Variants in FOXL3 observed in about 807,000 individuals in gnomAD.
FOXL3 encodes forkhead box L3.
In FOXL3, 16 loss-of-function variants were observed where a neutral mutation model predicts 10.9. The ratio of observed to expected loss-of-function variants is 1.46; its 90% CI spans 0.99 to 2.22. The LOEUF (loss-of-function observed/expected upper bound fraction) is 2.22. Ranked by LOEUF, FOXL3 falls within the 30% of genes most tolerant of loss-of-function variation. The pLI, the probability that FOXL3 is intolerant of heterozygous loss-of-function variation, is 0.00. For missense variants in FOXL3, 400 were observed against 337.9 expected, an observed-to-expected ratio of 1.18 and a Z score of -1.44; for synonymous variants, 170 against 152.0, an observed-to-expected ratio of 1.12 and a Z score of -0.87.
chr7:291,050 TC>T lies in FOXL3; in HGVS notation c.277-11del, dbSNP rs1778634410. On this transcript the variant is annotated splice_polypyrimidine_tract_variant and intron_variant, in intron 2 of 2. Transcript: ENST00000506382. ...AGCGGAGCCGCTCCCAGCCCCTCCC[TC>T]CGCGCGCGCAGGTGCCGCGGTCCGA... 1 of 1,375,778 alleles carries T rather than the reference TC, an allele frequency of 7.3e-7. No homozygotes were observed. The highest frequency in any genetic ancestry group is 9.4e-7 in the Non-Finnish European group (1 of 1,067,634). The allele number at this position is 1,375,778 out of a possible 1,614,324, so 85.2% of individuals were successfully genotyped here. A position where few individuals can be genotyped will look rare whatever the true frequency, so the allele number is the denominator to read the frequency against.
chr7:290,223 C>T lies in FOXL3; in HGVS notation c.54C>T (p.Asp18=). ...ACTGCTTCAATTACGACGCCGACGA[C>T]TACCCCGCCGGCAGCTCCGACGAAG... ...PYNCFNYDAD[D]YPAGSSDEDK... is the part of the protein sequence containing the mutation. Residue 18 remains aspartate (D), a synonymous_variant, in exon 1 of 3, where the codon GAC becomes GAT. Coordinates refer to ENST00000506382, the MANE Select transcript of FOXL3 (RefSeq NM_001374838.1). 1 of 1,536,002 alleles carries T rather than the reference C, an allele frequency of 6.5e-7. No homozygotes were observed. The highest frequency in any genetic ancestry group is 8.7e-7 in the Non-Finnish European group (1 of 1,146,802).
rs1216616396 is a variant in FOXL3 at position 291,349 on chromosome 7, A to AC, written c.568dup (p.Arg190ProfsTer?). 5 of 1,282,770 alleles carry AC rather than the reference A, an allele frequency of 3.9e-6. No individual in the cohort carries two copies. The South Asian group carries it at 7.8e-5, about 20-fold the overall frequency. The allele number at this position is 1,282,770 out of a possible 1,614,324, so 79.5% of individuals were successfully genotyped here. A position where few individuals can be genotyped will look rare whatever the true frequency, so the allele number is the denominator to read the frequency against. The stretch of plus-strand genomic sequence containing the variant: ...AGCCCCGCTCCCCCGGGGAAGGAGC[A>AC]CCCCCGGGACCTCAAGTTCAGCATC... On this transcript the variant is annotated frameshift_variant, in exon 3 of 3. Transcript: ENST00000506382. LOFTEE classifies it low-confidence loss of function (END_TRUNC).
At chr7:291,008 G>A (rs1458272770) in intron 2 of FOXL3, 55 bp from the exon 3 acceptor site, 3 of 1,325,510 alleles carry the variant, frequency 2.3e-6, no homozygotes, top group South Asian at 1.9e-5. Context: ...GGGACAAGGC[G>A]GGCGGGCGCA....
Position 290,788 on chromosome 7 carries a change from C to A in FOXL3, c.243C>A (p.Arg81=). The change falls in exon 2 of 3, where the codon CGC becomes CGA. Residue 81 remains arginine (R), a synonymous_variant. Transcript: ENST00000506382. ...ANQRAWQNSI[R]HNLSLNSCFV... is the part of the protein sequence containing the mutation. The stretch of plus-strand genomic sequence containing the variant: ...AGCGCGCCTGGCAGAACTCCATCCG[C>A]CACAACCTGTCCCTCAACAGCTGCT... The A allele has an allele frequency of 6.6e-7, 1 of 1,520,052 alleles. No homozygotes were observed. 94.2% of individuals were successfully genotyped at this position (1,520,052 alleles called of 1,614,324 possible).
chr7:290,980 G>A (rs901859544), intron 2 of FOXL3, 83 bp from the exon 3 acceptor site: 25 of 1,287,146 alleles, frequency 1.9e-5, no homozygotes, highest in Middle Eastern at 4.1e-4. Flanking sequence ...CCCTCGCCCC[G>A]GTCCAGGGCG....
At position 291,222 on chromosome 7, in the gene FOXL3, G is replaced by A; in HGVS notation, c.436G>A (p.Gly146Ser). The A allele has an allele frequency of 3.5e-6, 4 of 1,159,160 alleles. No homozygotes were observed. The South Asian group carries it at 1.3e-4, about 37-fold the overall frequency. The allele number at this position is 1,159,160 out of a possible 1,614,324, so 71.8% of individuals were successfully genotyped here. Residue 146 changes from glycine to serine, a missense_variant, in exon 3 of 3, where the codon GGC (glycine) becomes AGC (serine). Gly to Ser is a moderately conservative substitution (Grantham distance 56). Transcript: ENST00000506382. ...GGGGCCGAGGGGTCCGCGCGCGGGG[G>A]GCGCCCAGGGGCCGTCGGGTCCGTC... ...REGPRGPRAGGAQGPSGPSEP... is the reference protein window; with the variant it reads ...REGPRGPRAGSAQGPSGPSEP...
intron 1 of FOXL3, 47 bp downstream of exon 1, chr7:290,323 CT>C (rs1218345185): frequency 1.1e-5 from 15 of 1,414,282 alleles, no homozygotes; most frequent in African/African-American, 1.4e-5. Flanking sequence ...GTGACACCCC[CT>C]GCAAGGGTCC....
Position 290,551 on chromosome 7 carries a change from C to A in FOXL3, c.108-102C>A, listed in dbSNP as rs565662025. On this transcript the variant is annotated intron_variant, in intron 1 of 2. Transcript: ENST00000506382. The stretch of plus-strand genomic sequence containing the variant: ...GCTGCGGGGACACTTTCCCCAACAC[C>A]GCCTCGCTCCTCCGCCTCTGCGCCC... The A allele has an allele frequency of 3.9e-5, 47 of 1,197,300 alleles. 1 individual carries two copies. The South Asian group carries it at 7.1e-4, about 18-fold the overall frequency. The allele number at this position is 1,197,300 out of a possible 1,614,324, so 74.2% of individuals were successfully genotyped here.
At chr7:290,401 C>T in intron 1 of FOXL3, 125 bp downstream of exon 1, 1 of 899,706 alleles carries the variant, frequency 1.1e-6, no homozygotes, top group Non-Finnish European at 1.7e-6. Context: ...GGCGGCGGAG[C>T]TCAGAGAAAG....
At position 291,475 on chromosome 7, in the gene FOXL3, T is replaced by C. The variant is rs1778648903; in HGVS notation, c.689T>C (p.Phe230Ser). Residue 230 changes from phenylalanine to serine, a missense_variant, in exon 3 of 3, where the codon TTT (phenylalanine) becomes TCT (serine). Transcript: ENST00000506382. ...YPRLENVGLHFWTM is the reference protein window; with the variant it reads ...YPRLENVGLHSWTM ...CGGCTGGAGAACGTGGGACTCCACTTTTGGACAATGTGATGTGGAGCCACC... is the reference window on the plus strand; with the variant it reads ...CGGCTGGAGAACGTGGGACTCCACTCTTGGACAATGTGATGTGGAGCCACC... 8.1e-7 allele frequency: 1 copy of C among 1,234,994 alleles called. No homozygotes were observed. Among genetic ancestry groups the C allele is most frequent in the East Asian group, 3.2e-5 (1 of 31,640 alleles). The allele number at this position is 1,234,994 out of a possible 1,614,324, so 76.5% of individuals were successfully genotyped here.
rs1181342473 is a variant in FOXL3, at chr7:290,674, G to T, written c.129G>T (p.Met43Ile). 2.8e-6 allele frequency: 4 copies of T among 1,430,148 alleles called. No individual in the cohort carries two copies. The highest frequency in any genetic ancestry group is 2.7e-6 in the Non-Finnish European group (3 of 1,096,992). The allele number at this position is 1,430,148 out of a possible 1,614,324, so 88.6% of individuals were successfully genotyped here. The stretch of plus-strand genomic sequence containing the variant: ...GCAGCTACATCGCCTTGATCGCCAT[G>T]GCCATTCAGCAGAGCCCCGCGGGGA... Reference protein sequence around the residue: ...PAYSYIALIAMAIQQSPAGRV... With the variant: ...PAYSYIALIAIAIQQSPAGRV... The change falls in exon 2 of 3, where the codon ATG becomes ATT. Residue 43 changes from methionine (M) to isoleucine (I), a missense_variant. Coordinates refer to ENST00000506382, the MANE Select transcript of FOXL3 (RefSeq NM_001374838.1).
At position 290,241 on chromosome 7, in the gene FOXL3, C is replaced by G. The variant is rs1236045573; in HGVS notation, c.72C>G (p.Ser24=). 1.3e-6 allele frequency: 2 copies of G among 1,535,946 alleles called. No homozygotes were observed. The highest frequency in any genetic ancestry group is 2.0e-5 in the Admixed American group (1 of 51,006). The part of the protein sequence containing the change: ...YDADDYPAGS[S]DEDKRLTRPA... ...CCGACGACTACCCCGCCGGCAGCTC[C>G]GACGAAGACAAGAGGCTCACGCGGC... The change falls in exon 1 of 3, where the codon TCC becomes TCG. Residue 24 remains serine, a synonymous_variant. Transcript: ENST00000506382.
At chr7:291,003 A>G in intron 2 of FOXL3, 60 bp from the exon 3 acceptor site, 1 of 1,321,808 alleles carries the variant, frequency 7.6e-7, no homozygotes, top group Non-Finnish European at 9.6e-7. Context: ...CCGAGGGGAC[A>G]AGGCGGGCGG....
At chr7:290,597 G>A in intron 1 of FOXL3, 56 bp from the exon 2 acceptor site, 1 of 1,403,164 alleles carries the variant, frequency 7.1e-7, no homozygotes, top group Non-Finnish European at 9.3e-7. Context: ...TGCGGGATGG[G>A]GGGAAGGACG....
At position 290,833 on chromosome 7, in the gene FOXL3, C is replaced by T; in HGVS notation, c.276+12C>T. On this transcript the variant is annotated intron_variant, in intron 2 of 2. Transcript: ENST00000506382. ...GCTGCTTCGTCAAGGTGAGCGCCGC[C>T]CCCGACGGGCCCCGGGTGTCCCAGC... is the stretch of plus-strand genomic sequence containing the variant. 1 of 1,417,046 alleles carries T rather than the reference C, an allele frequency of 7.1e-7. No individual in the cohort carries two copies. Among genetic ancestry groups the T allele is most frequent in the Non-Finnish European group, 9.2e-7 (1 of 1,088,220 alleles). 87.8% of individuals were successfully genotyped at this position (1,417,046 alleles called of 1,614,324 possible). A position where few individuals can be genotyped will look rare whatever the true frequency, so the allele number is the denominator to read the frequency against.
At chr7:290,979 C>T in intron 2 of FOXL3, 84 bp from the exon 3 acceptor site, 2 of 1,278,440 alleles carry the variant, frequency 1.6e-6, no homozygotes, top group Non-Finnish European at 2.0e-6. Flanking sequence ...ACCCTCGCCC[C>T]GGTCCAGGGC....
chr7:290,400 G>C, intron 1 of FOXL3, 124 bp downstream of exon 1: 1 of 905,218 alleles, frequency 1.1e-6, no homozygotes, highest in East Asian at 2.6e-5. Context: ...CGGCGGCGGA[G>C]CTCAGAGAAA....
chr7:290,927 C>T, intron 2 of FOXL3, 106 bp downstream of exon 2: 2 of 1,285,302 alleles, frequency 1.6e-6, no homozygotes, highest in Non-Finnish European at 2.0e-6. Context: ...CAGGGAGGTC[C>T]GTCCTCAGCC....
At chr7:290,607 G>T in intron 1 of FOXL3, 46 bp from the exon 2 acceptor site, 1 of 1,412,784 alleles carries the variant, frequency 7.1e-7, no homozygotes, top group Non-Finnish European at 9.2e-7. Context: ...GGGGAAGGAC[G>T]GGGGGCTGCC....
Sources: gnomAD v4.1 joint callset for allele counts on GRCh38, gnomAD v4.1.1 for gene constraint, MANE v1.5 for transcripts, NCBI Gene and HGNC (gene_info 2026-07-23, HGNC 2026-07-21) for gene names.